Variants in RIMS2 observed in about 807,000 individuals in gnomAD.
The protein encoded by RIMS2 is regulating synaptic membrane exocytosis protein 2.
Under a neutral mutation model 174.4 loss-of-function variants are expected in RIMS2, and 59 were observed. That is an observed-to-expected ratio of 0.34 (90% CI 0.27 to 0.42). The LOEUF (loss-of-function observed/expected upper bound fraction) is 0.42. RIMS2 is among the 10% of genes least tolerant of loss of function. RIMS2 has a pLI of 1.00. For synonymous variants in RIMS2, 606 were observed against 572.5 expected (o/e 1.06, Z -0.84); for missense variants, 1,620 against 1,666.3 (o/e 0.97, Z 0.48).
chr8:103,580,860 C>T lies in RIMS2; in HGVS notation c.176+79798C>T, dbSNP rs554331749. On this transcript the variant is annotated intron_variant, in intron 1 of 23. Coordinates refer to ENST00000504942, the Ensembl canonical transcript of RIMS2. ...TTTTTTTTTTTTTGAGACAGAGTCTCGCTCTGTCACCCAGGCTGGAGTGCA... is the reference window on the plus strand; with the variant it reads ...TTTTTTTTTTTTTGAGACAGAGTCTTGCTCTGTCACCCAGGCTGGAGTGCA... Among the ~76,000 whole-genome samples the T allele has an allele frequency of 1.6e-3, 210 of 127,452 alleles. 1 individual carries two copies. The highest frequency in any genetic ancestry group is 2.7e-3 in the Non-Finnish European group (173 of 63,610). The allele number at this position is 127,452 out of a possible 152,430, so 83.6% of individuals were successfully genotyped here.
At position 103,605,520 on chromosome 8, in the gene RIMS2, G is replaced by C. The variant is rs548188793; in HGVS notation, c.177-91566G>C. On this transcript the variant is annotated intron_variant, in intron 1 of 23. Transcript: ENST00000504942. ...CAGGATGATGCTGGCCTCATAAAAA[G>C]AGTTAGGGAGGATTCCCTCTTTTTC... Among the ~76,000 whole-genome samples, 25 of 151,512 alleles carry C rather than the reference G, an allele frequency of 1.7e-4. 1 individual carries two copies. The South Asian group carries it at 3.8e-3, about 23-fold the overall frequency.
rs80340426 is a variant in RIMS2 at position 103,556,595 on chromosome 8, A to G, written c.176+55533A>G. Among the ~76,000 whole-genome samples the G allele has an allele frequency of 6.2e-3, 941 of 152,286 alleles. 12 individuals carry two copies. The highest frequency in any genetic ancestry group is 0.021 in the African/African-American group (890 of 41,568). ...TTGAATTTATACCTACCTCTTCTCCATAGGAAATTATATGTATTAGTTAAG... is the reference window on the plus strand; with the variant it reads ...TTGAATTTATACCTACCTCTTCTCCGTAGGAAATTATATGTATTAGTTAAG... On this transcript the variant is annotated intron_variant, in intron 1 of 23. Coordinates refer to ENST00000504942, the Ensembl canonical transcript of RIMS2.
chr8:103,670,471 A>G (rs2096730989), intron 1 of RIMS2, among the ~76,000 whole-genome samples: 1 of 152,214 alleles, frequency 6.6e-6, no homozygotes, highest in Non-Finnish European at 1.5e-5. Flanking sequence ...TTTCAGTCGC[A>G]TTGTCAGGCT....
chr8:103,767,134 A>G (rs75363139), intron 3 of RIMS2, among the ~76,000 whole-genome samples: 23,878 of 151,704 alleles, frequency 0.16, 1,997 homozygotes, highest in Middle Eastern at 0.24. Flanking sequence ...TAGGGCTCTT[A>G]TATTTACTAC....
chr8:103,803,144 A>C (rs1521061), intron 3 of RIMS2, among the ~76,000 whole-genome samples: 22,806 of 152,088 alleles, frequency 0.15, 1,777 homozygotes, highest in Middle Eastern at 0.24. Flanking sequence ...AATTCTCTGA[A>C]ATACAGTATG....
At position 103,584,110 on chromosome 8, in the gene RIMS2, A is replaced by T. The variant is rs1399676404; in HGVS notation, c.176+83048A>T. 2.0e-5 allele frequency among the ~76,000 whole-genome samples: 3 copies of T among 152,218 alleles called. No individual in the cohort carries two copies. The South Asian group carries it at 6.2e-4, about 32-fold the overall frequency. On this transcript the variant is annotated intron_variant, in intron 1 of 23. Coordinates refer to ENST00000504942, the Ensembl canonical transcript of RIMS2. ...AGCAGCAAGAGAAAATAAACAAATA[A>T]CATAAATAGAGCTCCAGTATATCTG...
At chr8:103,696,903 C>T in intron 1 of RIMS2, among the ~76,000 whole-genome samples, 183 bp from the exon 4 acceptor site, 1 of 145,806 alleles carries the variant, frequency 6.9e-6, no homozygotes, top group East Asian at 2.0e-4. Flanking sequence ...GAACTAGTTG[C>T]AATACTTTTA....
intron 1 of RIMS2, among the ~76,000 whole-genome samples, chr8:103,609,678 C>CTAGGCTCTCTAT (rs2095297888): frequency 6.6e-6 from 1 of 150,578 alleles, no homozygotes; most frequent in Non-Finnish European, 1.5e-5. Context: ...GTGGCATTAT[C>CTAGGCTCTCTAT]TCTGTTCCAT....
intron 19 of RIMS2, among the ~76,000 whole-genome samples, chr8:104,230,808 C>T (rs2099223284): frequency 6.6e-6 from 1 of 152,128 alleles, no homozygotes; most frequent in African/African-American, 2.4e-5. Flanking sequence ...GCTTATCTAT[C>T]TATAAAAGAA....
intron 19 of RIMS2, among the ~76,000 whole-genome samples, chr8:104,057,876 T>G (rs2096901497): frequency 6.6e-6 from 1 of 151,866 alleles, no homozygotes; most frequent in East Asian, 1.9e-4. Flanking sequence ...ATTTCATCCA[T>G]GTCCCTACAA....
At chr8:103,885,785 T>A in exon 4 of RIMS2, 1 of 1,612,890 alleles carries the variant, frequency 6.2e-7, no homozygotes, top group Non-Finnish European at 8.5e-7. Flanking sequence ...AAGGCAAAGA[T>A]CTATATCAGA....
In RIMS2 at chr8:103,603,486, G is replaced by T. The variant is rs574734958; in HGVS notation, c.177-93600G>T. 3.3e-5 allele frequency among the ~76,000 whole-genome samples: 5 copies of T among 151,790 alleles called. No individual in the cohort carries two copies. In the East Asian group the frequency reaches 7.8e-4, roughly 24 times the overall value. On this transcript the variant is annotated intron_variant, in intron 1 of 23. Coordinates refer to ENST00000504942, the Ensembl canonical transcript of RIMS2. ...TGTGCATGTGTCTTTATAGCAGCAT[G>T]ATTTAGAGTTCTTTGGGTATATACC...
chr8:103,931,160 G>A (rs1260887945), intron 11 of RIMS2, 103 bp from the exon 14 acceptor site: 7 of 814,018 alleles, frequency 8.6e-6, no homozygotes, highest in African/African-American at 1.7e-5. Context: ...TTTATATTCT[G>A]TGCTAATGTT....
intron 2 of RIMS2, among the ~76,000 whole-genome samples, chr8:103,730,671 A>G (rs1226050793): frequency 1.3e-5 from 2 of 152,230 alleles, no homozygotes; most frequent in Non-Finnish European, 2.9e-5. Flanking sequence ...AGTTACCATT[A>G]GCAATGAGTT....
chr8:103,623,170 T>A (rs777104795), intron 1 of RIMS2, among the ~76,000 whole-genome samples: 33 of 152,196 alleles, frequency 2.2e-4, no homozygotes, highest in Non-Finnish European at 4.0e-4. Context: ...GAGTATGGGC[T>A]TCTGAGTCAA....
At chr8:103,999,098 A>G (rs929358512) in intron 17 of RIMS2, among the ~76,000 whole-genome samples, 1 of 151,756 alleles carries the variant, frequency 6.6e-6, no homozygotes, top group Non-Finnish European at 1.5e-5. Context: ...GCTAGTATAA[A>G]TTAGGAATTA....
At chr8:103,979,800 A>C (rs746406415) in intron 16 of RIMS2, among the ~76,000 whole-genome samples, 5 of 152,146 alleles carry the variant, frequency 3.3e-5, no homozygotes, top group Non-Finnish European at 7.4e-5. Context: ...GTGACTGGGG[A>C]ACTTTACATT....
At chr8:104,036,689 C>T (rs1457408805) in intron 19 of RIMS2, among the ~76,000 whole-genome samples, 1 of 151,326 alleles carries the variant, frequency 6.6e-6, no homozygotes, top group African/African-American at 2.4e-5. Context: ...CCAGACTGAC[C>T]AACATGGTGA....
chr8:103,591,610 C>G (rs2094262100), intron 1 of RIMS2, among the ~76,000 whole-genome samples: 1 of 150,998 alleles, frequency 6.6e-6, no homozygotes. Context: ...GGTTGACATT[C>G]CTTTTAAAAA....
Sources: allele counts gnomAD v4.1 joint callset (sites outside exome capture counted in the v4.1 genomes callset), GRCh38; gene constraint gnomAD v4.1.1; transcripts MANE v1.5; gene names NCBI Gene and HGNC (gene_info 2026-07-23, HGNC 2026-07-21).